Variants in NF1 observed in about 807,000 individuals in gnomAD.
NF1 encodes the protein neurofibromin.
In NF1, 122 loss-of-function variants were observed where a neutral mutation model predicts 325.7. That is an observed-to-expected ratio of 0.37 (90% CI 0.32 to 0.44). NF1 has a LOEUF of 0.44. Among genes scored for constraint, NF1 ranks in the 20% least tolerant of loss-of-function variants. The pLI is 1.00. For missense variants in NF1, 2,140 were observed against 3,415.4 expected (o/e 0.63, Z 9.31); for synonymous variants, 1,091 against 1,186.0 (o/e 0.92, Z 1.65).
chr17:31,208,878 C>T (rs1440532322), intron 12 of NF1, among the ~76,000 whole-genome samples: 1 of 151,650 alleles, frequency 6.6e-6, no homozygotes, highest in Non-Finnish European at 1.5e-5. Context: ...ACAACAAGAG[C>T]GAGAATCGGT....
chr17:31,223,777 TTGA>T (rs780205158), intron 16 of NF1, among the ~76,000 whole-genome samples: 27 of 152,132 alleles, frequency 1.8e-4, no homozygotes, highest in Non-Finnish European at 4.0e-4. Context: ...AACCACACTG[TTGA>T]TGAATTCTAG....
At chr17:31,279,797 A>G (rs1197490691) in intron 36 of NF1, among the ~76,000 whole-genome samples, 1 of 152,234 alleles carries the variant, frequency 6.6e-6, no homozygotes, top group South Asian at 2.1e-4. Context: ...GTTGTAAAAC[A>G]TAGGTTCTCA....
chr17:31,287,466 CAA>C (rs1331022305), intron 36 of NF1, among the ~76,000 whole-genome samples: 8 of 152,180 alleles, frequency 5.3e-5, no homozygotes, highest in African/African-American at 2.4e-5. Context: ...TTTGATCAGA[CAA>C]GAGCGAAGCA....
chr17:31,097,516 A>G (rs1037559846), intron 1 of NF1, among the ~76,000 whole-genome samples: 5 of 152,020 alleles, frequency 3.3e-5, no homozygotes, highest in Non-Finnish European at 5.9e-5. Context: ...CAGTAAAGCA[A>G]GAAAGTGTTT....
rs1026759194 is a variant in NF1, at chr17:31,376,769, G to A, written c.*2614G>A. On this transcript the variant is annotated 3_prime_UTR_variant, in exon 58 of 58. Coordinates refer to ENST00000358273, the MANE Select transcript of NF1 (RefSeq NM_001042492.3). Reference sequence around the variant, plus strand: ...CCTGACTTGTTAAAGAGGAAACCAGGAACTCAGTCATGTTTTTGTCCTGGA... The same window carrying A: ...CCTGACTTGTTAAAGAGGAAACCAGAAACTCAGTCATGTTTTTGTCCTGGA... The A allele has an allele frequency of 1.3e-5, 3 of 233,140 alleles. No homozygotes were observed. Among genetic ancestry groups the A allele is most frequent in the Admixed American group, 5.6e-5 (1 of 17,778 alleles). 14.4% of individuals were successfully genotyped at this position (233,140 alleles called of 1,614,324 possible). A position where few individuals can be genotyped will look rare whatever the true frequency, so the allele number is the denominator to read the frequency against.
rs17881980 is a variant in NF1 at position 31,356,976 on chromosome 17, C to T, written c.7755C>T (p.Ser2585=). 1.9e-3 allele frequency: 3,012 copies of T among 1,613,820 alleles called. 44 individuals carry two copies. In the African/African-American group the frequency reaches 0.035, roughly 19 times the overall value. ...TTGCTGCAGAAACTCAGAGGATTTC[C>T]TCATCACAACAGCACCCACATTTAC... is the stretch of plus-strand genomic sequence containing the variant. The part of the protein sequence containing the change: ...TDYEMETQRI[S]SSQQHPHLRK... The change falls in exon 53 of 58, where the codon TCC becomes TCT. Residue 2585 remains serine (S), a synonymous_variant. Coordinates refer to ENST00000358273, the MANE Select transcript of NF1 (RefSeq NM_001042492.3).
Position 31,357,059 on chromosome 17 carries a change from C to A in NF1, c.7838C>A (p.Pro2613Gln), listed in dbSNP as rs750972729. The change falls in exon 53 of 58, where the codon CCG becomes CAG. Residue 2613 changes from proline (P) to glutamine (Q), a missense_variant. Physicochemically the swap from Pro to Gln is moderately conservative, Grantham distance 76. Coordinates refer to ENST00000358273, the MANE Select transcript of NF1 (RefSeq NM_001042492.3). ...TTGGATGAAGAAGTACTTACTGATCCGAAGATCCAGGCGCTGCTTCTTACT... is the reference window on the plus strand; with the variant it reads ...TTGGATGAAGAAGTACTTACTGATCAGAAGATCCAGGCGCTGCTTCTTACT... ...VLLDEEVLTD[P>Q]KIQALLLTVL... 1.2e-6 allele frequency: 2 copies of A among 1,613,726 alleles called. No individual in the cohort carries two copies. Among genetic ancestry groups the A allele is most frequent in the East Asian group, 4.5e-5 (2 of 44,870 alleles).
intron 36 of NF1, chr17:31,304,697 T>TG: frequency 6.2e-7 from 1 of 1,614,210 alleles, no homozygotes. Context: ...TTCTCTGTTT[T>TG]GGGGTTGTTG....
At chr17:31,252,048 A>G (rs2151454854) in intron 30 of NF1, 1 of 216,256 alleles carries the variant, frequency 4.6e-6, no homozygotes, top group South Asian at 1.9e-4. Flanking sequence ...TTTGAAAGAA[A>G]TCTTTGGTCT....
intron 36 of NF1, among the ~76,000 whole-genome samples, chr17:31,279,252 A>G (rs551506814): frequency 6.6e-6 from 1 of 152,286 alleles, no homozygotes; most frequent in East Asian, 1.9e-4. Flanking sequence ...CCCTGTCTCA[A>G]AAAAATTTTG....
chr17:31,142,636 G>C (rs1010244743), intron 1 of NF1, among the ~76,000 whole-genome samples: 1 of 152,158 alleles, frequency 6.6e-6, no homozygotes, highest in Admixed American at 6.5e-5. Context: ...GGGAGGCCAA[G>C]GTGGGCAGAT....
chr17:31,362,655 G>A (rs2070425720), intron 57 of NF1, among the ~76,000 whole-genome samples: 2 of 152,182 alleles, frequency 1.3e-5, no homozygotes, highest in African/African-American at 4.8e-5. Context: ...TTACTGAACA[G>A]AAGTTGAAAA....
At chr17:31,237,821 T>C (rs1398916417) in intron 29 of NF1, among the ~76,000 whole-genome samples, 2 of 152,166 alleles carry the variant, frequency 1.3e-5, no homozygotes, top group Non-Finnish European at 2.9e-5. Context: ...CAAATAAGTT[T>C]ACTATACAAA....
At chr17:31,116,155 G>A (rs1396255089) in intron 1 of NF1, among the ~76,000 whole-genome samples, 1 of 152,042 alleles carries the variant, frequency 6.6e-6, no homozygotes, top group African/African-American at 2.4e-5. Context: ...CATTGTTATG[G>A]GTTGTATGGT....
intron 29 of NF1, among the ~76,000 whole-genome samples, chr17:31,247,204 A>G (rs886914277): frequency 2.6e-5 from 4 of 152,078 alleles, no homozygotes; most frequent in Non-Finnish European, 5.9e-5. Flanking sequence ...AAAAAAAAAA[A>G]AAAAAAAGCA....
At chr17:31,264,214 C>T (rs1485074265) in intron 35 of NF1, among the ~76,000 whole-genome samples, 1 of 152,090 alleles carries the variant, frequency 6.6e-6, no homozygotes, top group Non-Finnish European at 1.5e-5. Context: ...GCCTGGCCAG[C>T]ATGGCGAAAC....
intron 36 of NF1, among the ~76,000 whole-genome samples, chr17:31,279,290 T>TC (rs2068073262): frequency 6.6e-6 from 1 of 152,166 alleles, no homozygotes; most frequent in Non-Finnish European, 1.5e-5. Context: ...GTATGTTTGG[T>TC]TATTTCTGAA....
chr17:31,306,957 A>G (rs1322021043), intron 36 of NF1, among the ~76,000 whole-genome samples: 1 of 152,092 alleles, frequency 6.6e-6, no homozygotes, highest in East Asian at 1.9e-4. Flanking sequence ...CAAGAACAGC[A>G]TGGACCACAT....
intron 10 of NF1, 109 bp from the exon 11 acceptor site, chr17:31,201,302 T>C (rs2143882860): frequency 6.8e-7 from 1 of 1,468,264 alleles, no homozygotes; most frequent in Non-Finnish European, 9.4e-7. Context: ...CCTTAAAAAC[T>C]TAGTGTTTTT....
Sources: gnomAD v4.1 joint callset for allele counts (sites outside exome capture counted in the v4.1 genomes callset) on GRCh38, gnomAD v4.1.1 for gene constraint, MANE v1.5 for transcripts, NCBI Gene and HGNC (gene_info 2026-07-23, HGNC 2026-07-21) for gene names.